Variants in PKIA observed in about 807,000 individuals in gnomAD.
PKIA encodes the protein cAMP-dependent protein kinase inhibitor alpha.
In PKIA, 4 loss-of-function variants were observed where a neutral mutation model predicts 7.6. That is an observed-to-expected ratio of 0.52 (90% CI 0.26 to 1.20). The LOEUF (loss-of-function observed/expected upper bound fraction) is 1.20. Ranked by LOEUF, PKIA falls within the 50% of genes most tolerant of loss-of-function variation. The pLI, the probability that PKIA is intolerant of heterozygous loss-of-function variation, is 0.13. For synonymous variants in PKIA, 21 were observed against 30.7 expected, an observed-to-expected ratio of 0.68 and a Z score of 1.04; for missense variants, 73 against 86.2, an observed-to-expected ratio of 0.85 and a Z score of 0.61.
At chr8:78,542,726 A>T (rs1027411858) in intron 1 of PKIA, among the ~76,000 whole-genome samples, 1 of 152,116 alleles carries the variant, frequency 6.6e-6, no homozygotes, top group African/African-American at 2.4e-5. Flanking sequence ...TGACAAAAAG[A>T]TGTTGTGGTG....
chr8:78,528,152 A>G (rs560462587), intron 1 of PKIA, among the ~76,000 whole-genome samples: 4 of 152,234 alleles, frequency 2.6e-5, no homozygotes, highest in African/African-American at 9.6e-5. Flanking sequence ...AAGGTAGGAC[A>G]TAGGCGAAAA....
chr8:78,560,006 A>G (rs1261116422), intron 1 of PKIA, among the ~76,000 whole-genome samples: 8 of 152,370 alleles, frequency 5.3e-5, no homozygotes, highest in Non-Finnish European at 1.0e-4. Context: ...AATTATATAT[A>G]TGCTACTTTC....
At chr8:78,588,486 A>G (rs1285384949) in intron 2 of PKIA, among the ~76,000 whole-genome samples, 1 of 152,206 alleles carries the variant, frequency 6.6e-6, no homozygotes, top group African/African-American at 2.4e-5. Context: ...ATCTCAAAAA[A>G]AATATAAACA....
At chr8:78,553,613 T>G (rs1049707402) in intron 1 of PKIA, among the ~76,000 whole-genome samples, 3 of 152,004 alleles carry the variant, frequency 2.0e-5, no homozygotes, top group African/African-American at 7.2e-5. Context: ...TTGGCTTTCC[T>G]TTATGTCTGA....
intron 2 of PKIA, among the ~76,000 whole-genome samples, chr8:78,587,358 C>A (rs1807971769): frequency 6.6e-6 from 1 of 152,156 alleles, no homozygotes; most frequent in South Asian, 2.1e-4. Flanking sequence ...TGTGAATAAA[C>A]CCTGGTCCCC....
chr8:78,559,169 G>A (rs545927170), intron 1 of PKIA, among the ~76,000 whole-genome samples: 3 of 152,094 alleles, frequency 2.0e-5, no homozygotes, highest in East Asian at 1.9e-4. Flanking sequence ...TGATCCACCC[G>A]CCTCGGCCTC....
At chr8:78,593,373 G>A (rs372839794) in intron 2 of PKIA, among the ~76,000 whole-genome samples, 11 of 152,146 alleles carry the variant, frequency 7.2e-5, no homozygotes, top group South Asian at 4.2e-4. Context: ...AGCCTGCCTC[G>A]GCCTCCCAAA....
intron 1 of PKIA, among the ~76,000 whole-genome samples, chr8:78,559,203 T>TA (rs1442722409): frequency 2.6e-5 from 4 of 152,168 alleles, no homozygotes; most frequent in African/African-American, 9.7e-5. Context: ...ATTACAGGCA[T>TA]AAGCCACCGT....
At chr8:78,599,872 A>G (rs1382050634) in intron 3 of PKIA, among the ~76,000 whole-genome samples, 1 of 151,144 alleles carries the variant, frequency 6.6e-6, no homozygotes, top group Non-Finnish European at 1.5e-5. Context: ...TTCTTTTTCT[A>G]TTTTTCCTGA....
intron 2 of PKIA, among the ~76,000 whole-genome samples, chr8:78,577,528 A>T (rs1301003707): frequency 6.6e-6 from 1 of 151,956 alleles, no homozygotes; most frequent in Admixed American, 6.6e-5. Flanking sequence ...AAGTTAGTTA[A>T]CCTGGTCATT....
Position 78,553,737 on chromosome 8 carries a change from A to AT in PKIA, c.-156-19058dup, listed in dbSNP as rs10706008. Among the ~76,000 whole-genome samples the AT allele has an allele frequency of 5.1e-3, 722 of 141,032 alleles. 3 individuals are homozygous for AT. Among genetic ancestry groups the AT allele is most frequent in the African/African-American group, 0.013 (490 of 38,444 alleles). The allele number at this position is 141,032 out of a possible 152,430, so 92.5% of individuals were successfully genotyped here. On this transcript the variant is annotated intron_variant, in intron 1 of 3. Coordinates refer to ENST00000396418, the MANE Select transcript of PKIA (RefSeq NM_006823.4). ...AGCCACTCTATTTTAAAACAACTGG[A>AT]TTTTTTTTTTTTTTTTGCAGTCTTT... is the stretch of plus-strand genomic sequence containing the variant.
intron 2 of PKIA, among the ~76,000 whole-genome samples, chr8:78,598,148 C>T (rs1808271161): frequency 6.8e-6 from 1 of 148,120 alleles, no homozygotes; most frequent in African/African-American, 2.5e-5. Context: ...TTAAATATTA[C>T]ATTTAAATAT....
intron 1 of PKIA, among the ~76,000 whole-genome samples, chr8:78,568,276 A>G (rs1807465169): frequency 6.6e-6 from 1 of 152,188 alleles, no homozygotes; most frequent in African/African-American, 2.4e-5. Flanking sequence ...AGCCTTCCTT[A>G]TCTACAAATT....
chr8:78,529,353 G>C (rs760424711), intron 1 of PKIA, among the ~76,000 whole-genome samples: 3 of 151,934 alleles, frequency 2.0e-5, no homozygotes, highest in Non-Finnish European at 4.4e-5. Flanking sequence ...ACAAAATATG[G>C]AGTGGGCAAC....
chr8:78,577,418 A>T (rs1807699596), intron 2 of PKIA, among the ~76,000 whole-genome samples: 1 of 151,914 alleles, frequency 6.6e-6, no homozygotes, highest in Non-Finnish European at 1.5e-5. Context: ...GGGTGGCAAA[A>T]TAATCTATGA....
In PKIA at chr8:78,539,700, G is replaced by T. The variant is rs140722410; in HGVS notation, c.-157+23232G>T. Among the ~76,000 whole-genome samples the T allele has an allele frequency of 5.5e-3, 842 of 151,812 alleles. 6 individuals are homozygous for T. The highest frequency in any genetic ancestry group is 0.019 in the African/African-American group (791 of 41,440). On this transcript the variant is annotated intron_variant, in intron 1 of 3. Coordinates refer to ENST00000396418, the MANE Select transcript of PKIA (RefSeq NM_006823.4). Reference sequence around the variant, plus strand: ...AATATGTGATTATGTAGTCCACAAGGACAAAAATATTTATTACCTGCAGTG... The same window carrying T: ...AATATGTGATTATGTAGTCCACAAGTACAAAAATATTTATTACCTGCAGTG...
At chr8:78,518,024 C>G (rs1375720566) in intron 1 of PKIA, among the ~76,000 whole-genome samples, 1 of 152,164 alleles carries the variant, frequency 6.6e-6, no homozygotes, top group African/African-American at 2.4e-5. Context: ...TTTCTTTCCT[C>G]TTCAAATATT....
intron 2 of PKIA, among the ~76,000 whole-genome samples, chr8:78,577,804 A>G (rs1807711316): frequency 6.6e-6 from 1 of 151,990 alleles, no homozygotes. Flanking sequence ...TCAAAAATTC[A>G]TATTCAGAAT....
intron 2 of PKIA, among the ~76,000 whole-genome samples, chr8:78,581,594 ATCT>A (rs1374254309): frequency 3.9e-5 from 6 of 152,108 alleles, no homozygotes; most frequent in East Asian, 1.9e-4. Flanking sequence ...CAAAAAACAC[ATCT>A]TCTGAATCTA....
Sources: allele counts gnomAD v4.1 joint callset (sites outside exome capture counted in the v4.1 genomes callset), GRCh38; gene constraint gnomAD v4.1.1; transcripts MANE v1.5; gene names NCBI Gene and HGNC (gene_info 2026-07-23, HGNC 2026-07-21).